The following CD207 variants were observed in gnomAD, a reference collection of about 807,000 sequenced individuals.
CD207 encodes the protein C-type lectin domain family 4 member K.
Under a neutral mutation model 31.6 loss-of-function variants are expected in CD207, and 28 were observed. The observed-to-expected ratio is 0.89, with a 90% confidence interval of 0.66 to 1.21. The LOEUF (loss-of-function observed/expected upper bound fraction) is 1.21. Among genes scored for constraint, CD207 ranks in the 50% most tolerant of loss-of-function variants. The pLI is 0.00. For synonymous variants in CD207, 168 were observed against 153.9 expected (o/e 1.09, Z -0.68); for missense variants, 388 against 397.8 (o/e 0.98, Z 0.21).
At chr2:70,831,385 C>G (rs1553399743) in intron 5 of CD207, among the ~76,000 whole-genome samples, 185 bp from the exon 6 acceptor site, 1 of 152,138 alleles carries the variant, frequency 6.6e-6, no homozygotes, top group African/African-American at 2.4e-5. Flanking sequence ...TCACATGCCC[C>G]AAGTCCAGGC....
rs1163924799 is a variant in CD207, at chr2:70,830,976, T to A, written c.*74A>T. ...TAACGTGCAAAGTCATCCTGGAGTC[T>A]GGGGAAGAAAGAGGCATTTCCTCAT... On this transcript the variant is annotated 3_prime_UTR_variant, in exon 6 of 6. Coordinates refer to ENST00000410009, the MANE Select transcript of CD207 (RefSeq NM_015717.5). 7.1e-7 allele frequency: 1 copy of A among 1,398,710 alleles called. No homozygotes were observed. The highest frequency in any genetic ancestry group is 1.4e-5 in the South Asian group (1 of 73,454). The allele number at this position is 1,398,710 out of a possible 1,614,324, so 86.6% of individuals were successfully genotyped here.
Position 70,833,755 on chromosome 2 carries a change from G to A in CD207, c.456C>T (p.Ala152=), listed in dbSNP as rs1558629238. The part of the protein sequence containing the change: ...RSWEEVSTLN[A]QIPELKSDLE... ...AATCACTTTTTAACTCTGGGATTTG[G>A]GCATTTAAGGTACTGACTTCTTCCC... The change falls in exon 3 of 6, where the codon GCC becomes GCT. Residue 152 remains alanine, a synonymous_variant. Transcript: ENST00000410009. The A allele has an allele frequency of 6.2e-7, 1 of 1,613,960 alleles. No homozygotes were observed. Among genetic ancestry groups the A allele is most frequent in the East Asian group, 2.2e-5 (1 of 44,884 alleles).
At position 70,830,453 on chromosome 2, in the gene CD207, GA is replaced by G. The variant is rs1677438497; in HGVS notation, c.*596del. ...GCTGGGTGCCAGCCGAGCTCTGAAG[GA>G]GATACAAGTCCGTGTCAGCCACTGA... On this transcript the variant is annotated 3_prime_UTR_variant, in exon 6 of 6. Coordinates refer to ENST00000410009, the MANE Select transcript of CD207 (RefSeq NM_015717.5). 6.6e-6 allele frequency: 1 copy of G among 152,642 alleles called. No homozygotes were observed. The highest frequency in any genetic ancestry group is 2.1e-4 in the South Asian group (1 of 4,828). 9.5% of individuals were successfully genotyped at this position (152,642 alleles called of 1,614,324 possible).
rs370455494 is a variant in CD207 at position 70,833,697 on chromosome 2, G to A, written c.514C>T (p.Arg172Trp). Residue 172 changes from arginine to tryptophan, a missense_variant, in exon 3 of 6, where the codon CGG (arginine) becomes TGG (tryptophan). By Grantham distance (101) the Arg-to-Trp change is moderately radical (BLOSUM62 -3). Transcript: ENST00000410009. The stretch of plus-strand genomic sequence containing the variant: ...TTCTCCAAGCTGCCCTGGAGTGCCC[G>A]GATCTTTGTATTTAAAGCACTGGCT... ...EKASALNTKIRALQGSLENMS... is the reference protein window; with the variant it reads ...EKASALNTKIWALQGSLENMS... 5.6e-6 allele frequency: 9 copies of A among 1,613,910 alleles called. No individual in the cohort carries two copies. The highest frequency in any genetic ancestry group is 1.1e-5 in the South Asian group (1 of 91,064).
chr2:70,829,996 C>T (rs538024574), downstream of CD207, among the ~76,000 whole-genome samples: 228 of 152,316 alleles, frequency 1.5e-3, no homozygotes, highest in African/African-American at 5.2e-3. Flanking sequence ...TCACCAAGAT[C>T]GTGACATTGG....
intron 4 of CD207, 57 bp downstream of exon 4, chr2:70,832,843 C>T: frequency 6.6e-7 from 1 of 1,507,418 alleles, no homozygotes; most frequent in Non-Finnish European, 9.0e-7. Context: ...CTTGCCCATC[C>T]TCCCTGGCCC....
rs782096861 is a variant in CD207 at position 70,835,791 on chromosome 2, C to G, written c.-15G>C. The stretch of plus-strand genomic sequence containing the variant: ...TCCACAGTCATCCTGAGTGCTCACC[C>G]TTATCCTGGGAGCACAGGTGCTTCT... On this transcript the variant is annotated 5_prime_UTR_variant, in exon 1 of 6. Coordinates refer to ENST00000410009, the MANE Select transcript of CD207 (RefSeq NM_015717.5). 8 of 1,600,336 alleles carry G rather than the reference C, an allele frequency of 5.0e-6. No individual in the cohort carries two copies. The Admixed American group carries it at 1.4e-4, about 27-fold the overall frequency.
the CD207 span, among the ~76,000 whole-genome samples, chr2:70,824,230 C>T: frequency 2.6e-5 from 4 of 151,884 alleles, no homozygotes; most frequent in Admixed American, 1.3e-4. Flanking sequence ...CCTGATTTTA[C>T]ACCCTACAAA....
At chr2:70,834,075 G>T in intron 2 of CD207, 55 bp from the exon 3 acceptor site, 2 of 1,437,700 alleles carry the variant, frequency 1.4e-6, no homozygotes, top group Non-Finnish European at 1.8e-6. Flanking sequence ...GACAGGAGTG[G>T]GGGTGTTGTC....
rs1677486593 is a variant in CD207 at position 70,831,960 on chromosome 2, C to T, written c.718-141G>A. 4.7e-6 allele frequency: 3 copies of T among 636,982 alleles called. No individual in the cohort carries two copies. In the Admixed American group the frequency reaches 7.1e-5, roughly 15 times the overall value. 39.5% of individuals were successfully genotyped at this position (636,982 alleles called of 1,614,324 possible). On this transcript the variant is annotated intron_variant, in intron 4 of 5. Transcript: ENST00000410009. ...AACTGGCCTCTCAAGCTTCTTCCTG[C>T]CCTTGCCCAGAGCCCAGATTTCATC...
At chr2:70,827,339 A>G (rs77805962), downstream of CD207, among the ~76,000 whole-genome samples, 4 of 151,658 alleles carry the variant, frequency 2.6e-5, no homozygotes, top group Admixed American at 6.6e-5. Flanking sequence ...TGAGACCTGA[A>G]AAAAAAAAGA....
rs782627815 is a variant in CD207, at chr2:70,832,904, T to C, written c.713A>G (p.Glu238Gly). Residue 238 changes from glutamate to glycine, a missense_variant, in exon 4 of 6, where the codon GAG (glutamate) becomes GGG (glycine). Physicochemically the swap from Glu to Gly is moderately conservative, Grantham distance 98 (BLOSUM62 -2). Coordinates refer to ENST00000410009, the MANE Select transcript of CD207 (RefSeq NM_015717.5). The part of the protein sequence containing the change: ...SHLTSVTSES[E>G]QEFLYKTAGG... The stretch of plus-strand genomic sequence containing the variant: ...GCCCATAGGCACAGCACTCACCTGC[T>C]CACTCTCTGAGGTCACCGAGGTCAG... 1 of 1,613,186 alleles carries C rather than the reference T, an allele frequency of 6.2e-7. No homozygotes were observed. The highest frequency in any genetic ancestry group is 2.2e-5 in the East Asian group (1 of 44,888).
the CD207 span, among the ~76,000 whole-genome samples, chr2:70,824,621 C>CAAAAAAAAAAAAAAAAAAAAAAAAAAAAA: frequency 7.8e-5 from 3 of 38,252 alleles, no homozygotes; most frequent in Non-Finnish European, 9.6e-5. Context: ...TGCTTAGTTA[C>CAAAAAAAAAAAAAAAAAAAAAAAAAAAAA]CAAAAAAAAA....
chr2:70,830,326 A>T lies in CD207; in HGVS notation c.*724T>A, dbSNP rs1396325046. The T allele has an allele frequency of 1.3e-5, 2 of 152,896 alleles. No homozygotes were observed. The highest frequency in any genetic ancestry group is 3.9e-4 in the East Asian group (2 of 5,180). 9.5% of individuals were successfully genotyped at this position (152,896 alleles called of 1,614,324 possible). On this transcript the variant is annotated 3_prime_UTR_variant, in exon 6 of 6. Transcript: ENST00000410009. ...ACAGGAAGATAGGAAATGCAGAAGG[A>T]GGAGGAGGTGCCGGAGAGGTGAGGA...
downstream of CD207, among the ~76,000 whole-genome samples, chr2:70,829,918 C>A (rs1226988076): frequency 2.0e-5 from 3 of 152,146 alleles, no homozygotes; most frequent in African/African-American, 7.2e-5. Flanking sequence ...GAGTGGGGAA[C>A]CTGCTGAGAC....
chr2:70,832,980 G>A lies in CD207; in HGVS notation c.637C>T (p.Pro213Ser), dbSNP rs17006436. 0.048 allele frequency: 76,855 copies of A among 1,613,852 alleles called. 2,225 individuals carry two copies. Among genetic ancestry groups the A allele is most frequent in the Non-Finnish European group, 0.058 (68,513 of 1,179,768 alleles). ...KGNFYYFSLIPKTWYSAEQFC... is the reference protein window; with the variant it reads ...KGNFYYFSLISKTWYSAEQFC... ...TGCTCGGCACTATACCAGGTCTTTG[G>A]AATGAGAGAAAAGTAATAGAAGTTC... Residue 213 changes from proline (P) to serine (S), a missense_variant, in exon 4 of 6, where the codon CCA (proline) becomes TCA (serine). Pro to Ser is a moderately conservative substitution (Grantham distance 74). Transcript: ENST00000410009.
Position 70,831,150 on chromosome 2 carries a change from CCA to C in CD207, c.885_886del (p.Cys295TrpfsTer13). On this transcript the variant is annotated frameshift_variant, in exon 6 of 6. Coordinates refer to ENST00000410009, the MANE Select transcript of CD207 (RefSeq NM_015717.5). LOFTEE classifies it low-confidence loss of function (END_TRUNC). Reference sequence around the variant, plus strand: ...CTGAAGTGAGGGAGCCTTTATATTGCCACAGTGTTCATTGTTCCCAGCATTGT... The same window carrying C: ...CTGAAGTGAGGGAGCCTTTATATTGCCAGTGTTCATTGTTCCCAGCATTGT... 1 of 1,613,806 alleles carries C rather than the reference CCA, an allele frequency of 6.2e-7. No homozygotes were observed. The highest frequency in any genetic ancestry group is 8.5e-7 in the Non-Finnish European group (1 of 1,179,774).
chr2:70,831,341 G>A, intron 5 of CD207, 141 bp from the exon 6 acceptor site: 3 of 834,146 alleles, frequency 3.6e-6, no homozygotes, highest in Non-Finnish European at 5.5e-6. Context: ...AGCCTCAGAG[G>A]AAGGGGACTG....
At chr2:70,826,097 G>C (rs1248846931), downstream of CD207, among the ~76,000 whole-genome samples, 1 of 152,114 alleles carries the variant, frequency 6.6e-6, no homozygotes, top group African/African-American at 2.4e-5. Flanking sequence ...GCAGTGAGCT[G>C]TGATTGTGCC....
Sources: allele counts gnomAD v4.1 joint callset (sites outside exome capture counted in the v4.1 genomes callset), GRCh38; gene constraint gnomAD v4.1.1; transcripts MANE v1.5; gene names NCBI Gene and HGNC (gene_info 2026-07-23, HGNC 2026-07-21).